GDA: variants seen among roughly 807,000 people sequenced by gnomAD.
GDA encodes cytoplasmic PSD-95 interactor.
In GDA, 18 loss-of-function variants were observed where a neutral mutation model predicts 59.6. That is an observed-to-expected ratio of 0.30 (90% CI 0.21 to 0.45). The LOEUF is 0.45. Among genes scored for constraint, GDA ranks in the 20% least tolerant of loss-of-function variants. The probability of loss-of-function intolerance (pLI) is 1.00; values close to 1 mark genes in which losing one functional copy is unlikely to be tolerated. For missense variants in GDA, 427 were observed against 552.3 expected, an observed-to-expected ratio of 0.77 and a Z score of 2.27; for synonymous variants, 201 against 201.1, an observed-to-expected ratio of 1.00 and a Z score of 0.00.
upstream of GDA, among the ~76,000 whole-genome samples, chr9:72,146,998 T>C (rs1048631493): frequency 3.9e-5 from 6 of 152,170 alleles, no homozygotes; most frequent in Non-Finnish European, 8.8e-5. Flanking sequence ...CTTAAGACGA[T>C]TAATTTCTTT....
chr9:72,193,202 C>T (rs1832766863), intron 1 of GDA, among the ~76,000 whole-genome samples: 1 of 151,792 alleles, frequency 6.6e-6, no homozygotes, highest in Non-Finnish European at 1.5e-5. Flanking sequence ...GATGTTTGTG[C>T]CTGGGCATTG....
At chr9:72,206,334 C>T (rs11143168) in intron 3 of GDA, among the ~76,000 whole-genome samples, 60,329 of 151,750 alleles carry the variant, frequency 0.4, 12,290 homozygotes, top group East Asian at 0.55. Context: ...TTTTTTGCTA[C>T]GTCCTATGTT....
At chr9:72,180,664 A>T (rs1033834785) in intron 1 of GDA, among the ~76,000 whole-genome samples, 4 of 152,204 alleles carry the variant, frequency 2.6e-5, no homozygotes, top group Non-Finnish European at 5.9e-5. Context: ...TTTAGAGCTG[A>T]GATTTATGGT....
intron 1 of GDA, among the ~76,000 whole-genome samples, chr9:72,154,360 C>G (rs1827636948): frequency 6.6e-6 from 1 of 152,192 alleles, no homozygotes; most frequent in Admixed American, 6.5e-5. Flanking sequence ...ATGCCTGGCA[C>G]TTAGTGGATA....
At chr9:72,223,281 C>A in intron 7 of GDA, 54 bp downstream of exon 7, 1 of 930,044 alleles carries the variant, frequency 1.1e-6, no homozygotes, top group Non-Finnish European at 1.7e-6. Flanking sequence ...GATTTCTCAG[C>A]ACCCTTAAAT....
intron 2 of GDA, among the ~76,000 whole-genome samples, chr9:72,201,465 A>G (rs960623004): frequency 6.6e-6 from 1 of 152,164 alleles, no homozygotes; most frequent in Admixed American, 6.5e-5. Context: ...GTCAGACAAG[A>G]TCAAGATGAC....
Position 72,248,573 on chromosome 9 carries a change from G to A in GDA, c.*231G>A, listed in dbSNP as rs1840392945. 3 of 1,317,104 alleles carry A rather than the reference G, an allele frequency of 2.3e-6. No individual in the cohort carries two copies. Among genetic ancestry groups the A allele is most frequent in the South Asian group, 1.9e-5 (1 of 51,428 alleles). The allele number at this position is 1,317,104 out of a possible 1,614,324, so 81.6% of individuals were successfully genotyped here. ...CATGAAAATATCTCCCTTTGGAGCT[G>A]CTCAGACTTACTTTAAGCTCAAACA... On this transcript the variant is annotated 3_prime_UTR_variant, in exon 14 of 14. Coordinates refer to ENST00000358399, the MANE Select transcript of GDA (RefSeq NM_004293.5).
At chr9:72,195,785 G>A (rs1300869922) in intron 2 of GDA, among the ~76,000 whole-genome samples, 197 bp downstream of exon 2, 1 of 152,230 alleles carries the variant, frequency 6.6e-6, no homozygotes, top group Admixed American at 6.5e-5. Context: ...TAGAGAGCTA[G>A]AGGCTGCCAT....
At chr9:72,146,453 A>G (rs1826636345), upstream of GDA, among the ~76,000 whole-genome samples, 1 of 152,068 alleles carries the variant, frequency 6.6e-6, no homozygotes, top group Non-Finnish European at 1.5e-5. Flanking sequence ...TGGGGATACC[A>G]GAATGGGAGT....
In GDA at chr9:72,248,750, G is replaced by T; in HGVS notation, c.*408G>T. 1 of 997,914 alleles carries T rather than the reference G, an allele frequency of 1.0e-6. No homozygotes were observed. The highest frequency in any genetic ancestry group is 1.2e-6 in the Non-Finnish European group (1 of 835,912). The allele number at this position is 997,914 out of a possible 1,614,324, so 61.8% of individuals were successfully genotyped here. ...ATTAGAAGACTGAAAATGGACCCAT[G>T]AGAGTATATTTTTATGAGGGAGCAA... On this transcript the variant is annotated 3_prime_UTR_variant, in exon 14 of 14. Transcript: ENST00000358399.
At position 72,248,758 on chromosome 9, in the gene GDA, A is replaced by G. The variant is rs1215232857; in HGVS notation, c.*416A>G. 2 of 995,384 alleles carry G rather than the reference A, an allele frequency of 2.0e-6. No individual in the cohort carries two copies. The highest frequency in any genetic ancestry group is 2.4e-6 in the Non-Finnish European group (2 of 835,066). 61.7% of individuals were successfully genotyped at this position (995,384 alleles called of 1,614,324 possible). ...ACTGAAAATGGACCCATGAGAGTAT[A>G]TTTTTATGAGGGAGCAAAAGTTAGA... On this transcript the variant is annotated 3_prime_UTR_variant, in exon 14 of 14. Coordinates refer to ENST00000358399, the MANE Select transcript of GDA (RefSeq NM_004293.5).
At chr9:72,233,485 CACATAGACTCTCAT>C (rs895609347) in intron 10 of GDA, among the ~76,000 whole-genome samples, 2 of 152,104 alleles carry the variant, frequency 1.3e-5, no homozygotes, top group African/African-American at 4.8e-5. Context: ...GATTAAAAAG[CACATAGACTCTCAT>C]ACACTGATGG....
At chr9:72,143,535 G>A (rs1451549913) in intron 1 of GDA, among the ~76,000 whole-genome samples, 1 of 152,226 alleles carries the variant, frequency 6.6e-6, no homozygotes, top group African/African-American at 2.4e-5. Context: ...GTAGGTGATG[G>A]AAACAGCTGC....
chr9:72,199,554 A>T (rs1833672965), intron 2 of GDA, among the ~76,000 whole-genome samples: 1 of 152,130 alleles, frequency 6.6e-6, no homozygotes, highest in Non-Finnish European at 1.5e-5. Flanking sequence ...TTCACTACCA[A>T]ATATTTTAAA....
chr9:72,241,054 T>G, intron 10 of GDA, 98 bp from the exon 11 acceptor site: 1 of 777,202 alleles, frequency 1.3e-6, no homozygotes, highest in Non-Finnish European at 2.0e-6. Context: ...AAAAAGTATA[T>G]TAAGGACTGA....
At position 72,250,624 on chromosome 9, in the gene GDA, C is replaced by T; in HGVS notation, c.*2282C>T. 1 of 1,583,812 alleles carries T rather than the reference C, an allele frequency of 6.3e-7. No homozygotes were observed. The highest frequency in any genetic ancestry group is 8.6e-7 in the Non-Finnish European group (1 of 1,169,388). On this transcript the variant is annotated 3_prime_UTR_variant, in exon 14 of 14. Transcript: ENST00000358399. ...CACAGGCATTATCTATACCTGGGGC[C>T]AGATTTTCTGCACTTTGAAATGTTG...
chr9:72,221,208 A>G (rs1285715515), intron 6 of GDA, among the ~76,000 whole-genome samples: 1 of 152,178 alleles, frequency 6.6e-6, no homozygotes, highest in Non-Finnish European at 1.5e-5. Flanking sequence ...GACAAGATGT[A>G]TTCCCAAAAT....
intron 1 of GDA, among the ~76,000 whole-genome samples, chr9:72,141,244 A>G (rs1022818331): frequency 6.6e-6 from 1 of 152,128 alleles, no homozygotes; most frequent in Non-Finnish European, 1.5e-5. Flanking sequence ...CTTCCTTCTT[A>G]TTAGGGCTGG....
chr9:72,198,043 GA>G (rs1652175763), intron 2 of GDA, among the ~76,000 whole-genome samples: 1 of 152,126 alleles, frequency 6.6e-6, no homozygotes, highest in East Asian at 1.9e-4. Flanking sequence ...AGCAGCGGGG[GA>G]GGGGCAAAAA....
Sources: gnomAD v4.1 joint callset for allele counts (sites outside exome capture counted in the v4.1 genomes callset) on GRCh38, gnomAD v4.1.1 for gene constraint, MANE v1.5 for transcripts, NCBI Gene and HGNC (gene_info 2026-07-23, HGNC 2026-07-21) for gene names.